THSD4: variants seen among roughly 807,000 people sequenced by gnomAD.
THSD4 encodes the protein thrombospondin type 1 domain containing 4.
In THSD4, 69 loss-of-function variants were observed where a neutral mutation model predicts 119.0. That is an observed-to-expected ratio of 0.58 (90% CI 0.48 to 0.71). The LOEUF is 0.71. THSD4 is among the 30% of genes least tolerant of loss of function. The pLI is 0.00. For missense variants in THSD4, 1,393 were observed against 1,391.1 expected, an observed-to-expected ratio of 1.00 and a Z score of -0.02; for synonymous variants, 524 against 540.4, an observed-to-expected ratio of 0.97 and a Z score of 0.42.
chr15:71,568,568 CTTTTTTTTTTTTTG>C (rs915701279), intron 7 of THSD4, among the ~76,000 whole-genome samples: 1 of 137,872 alleles, frequency 7.3e-6, no homozygotes, highest in African/African-American at 2.7e-5. Context: ...CTCTTTTTCT[CTTTTTTTTTTTTTG>C]TTTTTTGTTT....
intron 7 of THSD4, among the ~76,000 whole-genome samples, chr15:71,626,013 G>A (rs548341678): frequency 7.9e-5 from 12 of 152,280 alleles, no homozygotes; most frequent in South Asian, 2.1e-4. Context: ...CTTCTTTTAC[G>A]TCCTTTTAGA....
chr15:71,611,130 T>A (rs2050216356), intron 7 of THSD4, among the ~76,000 whole-genome samples: 1 of 152,236 alleles, frequency 6.6e-6, no homozygotes, highest in African/African-American at 2.4e-5. Context: ...ACACTTGGCC[T>A]GAGCCGTGAT....
chr15:71,649,833 T>C (rs1382163613), intron 7 of THSD4, among the ~76,000 whole-genome samples: 2 of 152,234 alleles, frequency 1.3e-5, no homozygotes, highest in Admixed American at 6.5e-5. Flanking sequence ...TAGCCAGTTA[T>C]GGCAGCAACA....
At chr15:71,634,153 C>T (rs1469884717) in intron 7 of THSD4, among the ~76,000 whole-genome samples, 1 of 150,234 alleles carries the variant, frequency 6.7e-6, no homozygotes, top group Non-Finnish European at 1.5e-5. Flanking sequence ...CACCATTGCA[C>T]TCCAGCCTGG....
chr15:71,717,051 T>C (rs2052624222), intron 8 of THSD4, among the ~76,000 whole-genome samples: 1 of 152,220 alleles, frequency 6.6e-6, no homozygotes, highest in African/African-American at 2.4e-5. Flanking sequence ...GGGGCACATG[T>C]TGCTGCCTTT....
At chr15:71,599,018 G>A (rs924055452) in intron 7 of THSD4, among the ~76,000 whole-genome samples, 4 of 152,076 alleles carry the variant, frequency 2.6e-5, no homozygotes, top group African/African-American at 4.8e-5. Context: ...CAACTAATCC[G>A]ATTTGCTCCG....
intron 8 of THSD4, among the ~76,000 whole-genome samples, chr15:71,679,927 T>G (rs927144382): frequency 6.6e-6 from 1 of 152,212 alleles, no homozygotes; most frequent in Non-Finnish European, 1.5e-5. Flanking sequence ...ACAGTAAATT[T>G]GACCGTGTTA....
intron 6 of THSD4, among the ~76,000 whole-genome samples, chr15:71,379,998 A>G (rs148652372): frequency 2.2e-4 from 33 of 152,264 alleles, no homozygotes; most frequent in African/African-American, 7.5e-4. Flanking sequence ...GTACAGAGAA[A>G]GCTGGACTGG....
chr15:71,756,241 G>A (rs1344019548), intron 14 of THSD4, among the ~76,000 whole-genome samples: 1 of 152,224 alleles, frequency 6.6e-6, no homozygotes. Context: ...AGTAAACTGT[G>A]CTGGGAACCA....
chr15:71,372,732 A>C (rs2046073022), intron 6 of THSD4, among the ~76,000 whole-genome samples: 1 of 152,220 alleles, frequency 6.6e-6, no homozygotes, highest in Non-Finnish European at 1.5e-5. Context: ...TCAGGGACCC[A>C]CTTGAGGGGG....
At chr15:71,155,832 G>A (rs1472112391) in intron 3 of THSD4, among the ~76,000 whole-genome samples, 1 of 152,098 alleles carries the variant, frequency 6.6e-6, no homozygotes, top group East Asian at 1.9e-4. Flanking sequence ...ATAAGAACCT[G>A]GCCTTCTCTT....
At position 71,760,541 on chromosome 15, in the gene THSD4, A is replaced by G. The variant is rs749674699; in HGVS notation, c.2589+2466A>G. On this transcript the variant is annotated intron_variant, in intron 15 of 17. Transcript: ENST00000261862. ...TGAGAGTCTACCAAGTCTATTATTT[A>G]TGCCCAGAATTATTTCCTTTCTTCT... Among the ~76,000 whole-genome samples the G allele has an allele frequency of 5.9e-5, 9 of 152,160 alleles. 1 individual carries two copies. The highest frequency in any genetic ancestry group is 1.2e-4 in the Non-Finnish European group (8 of 68,038).
intron 6 of THSD4, among the ~76,000 whole-genome samples, chr15:71,319,503 G>A (rs1285422269): frequency 6.6e-6 from 1 of 151,008 alleles, no homozygotes; most frequent in Non-Finnish European, 1.5e-5. Flanking sequence ...GCGGTGTTCA[G>A]TTTTCTGTCC....
chr15:71,138,978 C>CCG (rs542311285), intron 1 of THSD4, among the ~76,000 whole-genome samples: 4 of 149,994 alleles, frequency 2.7e-5, no homozygotes, highest in African/African-American at 1.0e-4. Flanking sequence ...TATCCCTCCC[C>CCG]CCCCCATTTT....
At chr15:71,538,226 G>C (rs907908656) in intron 7 of THSD4, among the ~76,000 whole-genome samples, 11 of 152,074 alleles carry the variant, frequency 7.2e-5, no homozygotes, top group African/African-American at 2.7e-4. Flanking sequence ...TCCTTTTACA[G>C]TTTTCATACT....
At chr15:71,207,675 C>T (rs555305968) in intron 3 of THSD4, among the ~76,000 whole-genome samples, 18 of 152,284 alleles carry the variant, frequency 1.2e-4, no homozygotes, top group South Asian at 8.3e-4. Context: ...AGATGGGCAG[C>T]GGCATTAGAT....
intron 3 of THSD4, among the ~76,000 whole-genome samples, chr15:71,172,684 T>TGAAA (rs1567145270): frequency 2.2e-4 from 1 of 4,570 alleles, no homozygotes; most frequent in African/African-American, 7.0e-4. Context: ...GACCTATACA[T>TGAAA]ATATATATAT....
intron 2 of THSD4, among the ~76,000 whole-genome samples, chr15:71,153,805 G>A (rs935482722): frequency 6.6e-6 from 1 of 152,148 alleles, no homozygotes; most frequent in Non-Finnish European, 1.5e-5. Context: ...TTTGACAAAT[G>A]GTCAAAAGAT....
chr15:71,631,392 G>C (rs1390540022), intron 7 of THSD4, among the ~76,000 whole-genome samples: 1 of 152,180 alleles, frequency 6.6e-6, no homozygotes, highest in Admixed American at 6.5e-5. Flanking sequence ...ATTAACAAGA[G>C]GGTGAAAAAG....
Sources: gnomAD v4.1 joint callset for allele counts (sites outside exome capture counted in the v4.1 genomes callset) on GRCh38, gnomAD v4.1.1 for gene constraint, MANE v1.5 for transcripts, NCBI Gene and HGNC (gene_info 2026-07-23, HGNC 2026-07-21) for gene names.